PDS5B: variants seen among roughly 807,000 people sequenced by gnomAD.
The protein encoded by PDS5B is PDS5 cohesin associated factor B.
Under a neutral mutation model 184.1 loss-of-function variants are expected in PDS5B, and 51 were observed. The ratio of observed to expected loss-of-function variants is 0.28; its 90% CI spans 0.22 to 0.35. The LOEUF (loss-of-function observed/expected upper bound fraction) is 0.35, where lower values mean the gene tolerates loss of function less well. PDS5B is among the 10% of genes least tolerant of loss of function. PDS5B has a pLI of 1.00. For synonymous variants in PDS5B, 566 were observed against 569.2 expected (o/e 0.99, Z 0.08); for missense variants, 1,180 against 1,723.3 (o/e 0.68, Z 5.58).
intron 1 of PDS5B, among the ~76,000 whole-genome samples, chr13:32,628,497 G>A (rs949047013): frequency 4.0e-5 from 6 of 150,390 alleles, no homozygotes; most frequent in Admixed American, 1.3e-4. Flanking sequence ...GGAGTGAGCC[G>A]AGATCGTGCC....
At chr13:32,655,893 CTT>C (rs1326358505) in intron 3 of PDS5B, among the ~76,000 whole-genome samples, 2 of 152,136 alleles carry the variant, frequency 1.3e-5, no homozygotes, top group Non-Finnish European at 2.9e-5. Context: ...ATCATGAAAT[CTT>C]TGCCAGGTCC....
chr13:32,610,009 G>A (rs188198672), intron 1 of PDS5B, among the ~76,000 whole-genome samples: 1 of 152,318 alleles, frequency 6.6e-6, no homozygotes. Flanking sequence ...AATTGCTGGA[G>A]CAATGTCCTG....
intron 3 of PDS5B, among the ~76,000 whole-genome samples, chr13:32,653,690 G>A (rs747944719): frequency 6.6e-5 from 10 of 152,192 alleles, no homozygotes; most frequent in Non-Finnish European, 1.5e-4. Context: ...ACTTAAAGTA[G>A]ATAACATGAG....
At chr13:32,729,602 G>A (rs1953031042) in intron 19 of PDS5B, among the ~76,000 whole-genome samples, 1 of 152,142 alleles carries the variant, frequency 6.6e-6, no homozygotes, top group Non-Finnish European at 1.5e-5. Flanking sequence ...ATCCTCTCCA[G>A]CATCTGTTGT....
At chr13:32,664,516 C>T (rs980519826) in intron 6 of PDS5B, among the ~76,000 whole-genome samples, 6 of 152,068 alleles carry the variant, frequency 3.9e-5, no homozygotes, top group Non-Finnish European at 8.8e-5. Flanking sequence ...GAAGGGGAGA[C>T]TTAGTATCAT....
In PDS5B at chr13:32,667,801, T is replaced by A; in HGVS notation, c.662T>A (p.Leu221Ter). Residue 221 changes from leucine to a stop codon, truncating the protein, a stop_gained, in exon 7 of 35, where the codon TTA becomes TAA. Transcript: ENST00000315596. LOFTEE classifies it high-confidence loss of function. ...CAAGCATATGATTTGGCAAAGGCTT[T>A]ACTGAAGAGGACAGCTCAAGCTATT... ...NKQAYDLAKA[L>*]LKRTAQAIEP... 1 of 1,598,140 alleles carries A rather than the reference T, an allele frequency of 6.3e-7. No individual in the cohort carries two copies. The highest frequency in any genetic ancestry group is 8.5e-7 in the Non-Finnish European group (1 of 1,173,524).
chr13:32,726,149 TAAAA>T (rs58034166), intron 19 of PDS5B, among the ~76,000 whole-genome samples: 2 of 141,216 alleles, frequency 1.4e-5, no homozygotes, highest in African/African-American at 2.6e-5. Flanking sequence ...TAGATAAACT[TAAAA>T]AAAAAAAAAA....
At position 32,755,816 on chromosome 13, in the gene PDS5B, G is replaced by T. The variant is rs9562937; in HGVS notation, c.2942-26G>T. 109,867 of 939,392 alleles carry T rather than the reference G, an allele frequency of 0.12. 7,428 individuals are homozygous for T. The highest frequency in any genetic ancestry group is 0.4 in the East Asian group (13,726 of 34,666). The allele number at this position is 939,392 out of a possible 1,614,324, so 58.2% of individuals were successfully genotyped here. ...TTTGCTTTTTCTTTTGTTTTTTTTT[G>T]TTTGTTTGTTTGTTTTCTTTTTCAG... On this transcript the variant is annotated intron_variant, in intron 25 of 34. Coordinates refer to ENST00000315596, the MANE Select transcript of PDS5B (RefSeq NM_015032.4).
intron 9 of PDS5B, among the ~76,000 whole-genome samples, chr13:32,676,668 A>G (rs1338426006): frequency 6.6e-6 from 1 of 152,190 alleles, no homozygotes; most frequent in East Asian, 1.9e-4. Flanking sequence ...GCGGTGGCTC[A>G]TGCCTGTAAT....
At chr13:32,665,553 C>A (rs1403068521) in intron 6 of PDS5B, among the ~76,000 whole-genome samples, 1 of 126,912 alleles carries the variant, frequency 7.9e-6, no homozygotes, top group East Asian at 2.5e-4. Context: ...TGTTCCACTG[C>A]ACTCCATCCT....
chr13:32,718,598 C>T (rs957816472), intron 19 of PDS5B, among the ~76,000 whole-genome samples: 8 of 152,182 alleles, frequency 5.3e-5, no homozygotes, highest in Non-Finnish European at 2.9e-5. Context: ...AGATACCACA[C>T]TATCTCTGCT....
chr13:32,754,635 C>T (rs1199617603), intron 25 of PDS5B, among the ~76,000 whole-genome samples: 1 of 152,086 alleles, frequency 6.6e-6, no homozygotes, highest in East Asian at 1.9e-4. Flanking sequence ...CAGTCACATC[C>T]CACTTCTGCC....
intron 17 of PDS5B, among the ~76,000 whole-genome samples, chr13:32,704,890 G>GT (rs1034709335): frequency 2.0e-5 from 3 of 151,990 alleles, no homozygotes; most frequent in Non-Finnish European, 2.9e-5. Context: ...TCCCCTCTCT[G>GT]TTTTTTTAGG....
Position 32,600,216 on chromosome 13 carries a change from T to G in PDS5B, c.-20+13623T>G, listed in dbSNP as rs189116608. 6.6e-5 allele frequency among the ~76,000 whole-genome samples: 10 copies of G among 152,306 alleles called. No homozygotes were observed. The East Asian group carries it at 1.9e-3, about 29-fold the overall frequency. On this transcript the variant is annotated intron_variant, in intron 1 of 34. Coordinates refer to ENST00000315596, the MANE Select transcript of PDS5B (RefSeq NM_015032.4). ...CATAATAGCTGTTTTGAAGTCCTTGTTTATTCCTTTGTCTGTATTAATGGA... is the reference window on the plus strand; with the variant it reads ...CATAATAGCTGTTTTGAAGTCCTTGGTTATTCCTTTGTCTGTATTAATGGA...
At position 32,777,987 on chromosome 13, in the gene PDS5B, A is replaced by G. The variant is rs993487531; in HGVS notation, c.*2935A>G. ...AACCAATTTTCAGACACATTTTTGG[A>G]TTTCTGTGAAGTTGAATAAACATAA... On this transcript the variant is annotated 3_prime_UTR_variant, in exon 35 of 35. Coordinates refer to ENST00000315596, the MANE Select transcript of PDS5B (RefSeq NM_015032.4). 1 of 152,414 alleles carries G rather than the reference A, an allele frequency of 6.6e-6. No individual in the cohort carries two copies. The highest frequency in any genetic ancestry group is 1.5e-5 in the Non-Finnish European group (1 of 67,854). 9.4% of individuals were successfully genotyped at this position (152,414 alleles called of 1,614,324 possible). A position where few individuals can be genotyped will look rare whatever the true frequency, so the allele number is the denominator to read the frequency against.
At chr13:32,683,351 G>A (rs1462971436) in intron 10 of PDS5B, among the ~76,000 whole-genome samples, 1 of 113,530 alleles carries the variant, frequency 8.8e-6, no homozygotes, top group African/African-American at 3.5e-5. Context: ...ATGGAGCTCT[G>A]CCCTTGTTGC....
chr13:32,691,568 T>C (rs763418099), intron 13 of PDS5B, among the ~76,000 whole-genome samples: 7 of 152,172 alleles, frequency 4.6e-5, no homozygotes, highest in Non-Finnish European at 5.9e-5. Context: ...TAGCTACTTA[T>C]TGAAATCACC....
chr13:32,588,236 G>C (rs982113758), intron 1 of PDS5B, among the ~76,000 whole-genome samples: 1 of 152,174 alleles, frequency 6.6e-6, no homozygotes, highest in Admixed American at 6.5e-5. Flanking sequence ...GGTGATAGCA[G>C]AAAACCTAAT....
chr13:32,690,962 CTTTATA>C (rs1260844044), intron 13 of PDS5B: 2 of 151,954 alleles, frequency 1.3e-5, no homozygotes, highest in African/African-American at 4.8e-5. Flanking sequence ...TATTTTAGTA[CTTTATA>C]TTTATCTGTG....
Sources: gnomAD v4.1 joint callset for allele counts (sites outside exome capture counted in the v4.1 genomes callset) on GRCh38, gnomAD v4.1.1 for gene constraint, MANE v1.5 for transcripts, NCBI Gene and HGNC (gene_info 2026-07-23, HGNC 2026-07-21) for gene names.